The following RBMS3 variants were observed in gnomAD, a reference collection of about 807,000 sequenced individuals.
RBMS3 encodes RNA binding motif single stranded interacting protein 3, also known as RNA-binding motif, single-stranded-interacting protein 3.
In RBMS3, 27 loss-of-function variants were observed where a neutral mutation model predicts 66.8. That is an observed-to-expected ratio of 0.40 (90% CI 0.30 to 0.56). The LOEUF (loss-of-function observed/expected upper bound fraction) is 0.56. RBMS3 is among the 20% of genes least tolerant of loss of function. The probability of loss-of-function intolerance (pLI) is 0.40; values close to 1 mark genes in which losing one functional copy is unlikely to be tolerated. For synonymous variants in RBMS3, 188 were observed against 183.0 expected (o/e 1.03, Z -0.22); for missense variants, 513 against 549.5 (o/e 0.93, Z 0.66).
intron 4 of RBMS3, among the ~76,000 whole-genome samples, chr3:29,725,857 T>A (rs868122475): frequency 6.6e-6 from 1 of 152,160 alleles, no homozygotes; most frequent in Non-Finnish European, 1.5e-5. Context: ...TAACTCACCC[T>A]ATGAGGCCAG....
chr3:29,650,546 G>A (rs529121249), intron 4 of RBMS3, among the ~76,000 whole-genome samples: 2 of 152,110 alleles, frequency 1.3e-5, no homozygotes, highest in Non-Finnish European at 2.9e-5. Context: ...TCCTGCCTCG[G>A]CCCTCCAAAG....
intron 1 of RBMS3, among the ~76,000 whole-genome samples, chr3:29,320,997 G>A (rs188313675): frequency 3.3e-5 from 5 of 151,732 alleles, no homozygotes; most frequent in Non-Finnish European, 5.9e-5. Context: ...GCAAAACAGC[G>A]AGTTTTGAGG....
At chr3:29,939,999 T>G (rs1245950596) in intron 11 of RBMS3, among the ~76,000 whole-genome samples, 2 of 151,804 alleles carry the variant, frequency 1.3e-5, no homozygotes, top group African/African-American at 4.8e-5. Context: ...CCCTGCAAGC[T>G]AATGACATGA....
intron 8 of RBMS3, among the ~76,000 whole-genome samples, chr3:29,885,555 T>G (rs568095491): frequency 6.6e-6 from 1 of 152,060 alleles, no homozygotes; most frequent in East Asian, 1.9e-4. Flanking sequence ...ACATATTTTG[T>G]GCAAAGTACT....
At chr3:29,981,562 A>G (rs1449403603) in intron 12 of RBMS3, among the ~76,000 whole-genome samples, 1 of 152,052 alleles carries the variant, frequency 6.6e-6, no homozygotes, top group Non-Finnish European at 1.5e-5. Flanking sequence ...CATTGAGTGT[A>G]GGTTTGTCAT....
chr3:29,600,871 CCT>C (rs1193078345), intron 4 of RBMS3, among the ~76,000 whole-genome samples: 1 of 151,928 alleles, frequency 6.6e-6, no homozygotes, highest in African/African-American at 2.4e-5. Flanking sequence ...GTGTTTTCCA[CCT>C]CTCTAGAATG....
At chr3:29,495,476 A>C (rs2043711901) in intron 3 of RBMS3, among the ~76,000 whole-genome samples, 1 of 138,188 alleles carries the variant, frequency 7.2e-6, no homozygotes, top group Non-Finnish European at 1.5e-5. Flanking sequence ...GCTGGAGTGC[A>C]GTGGTGCGAT....
intron 1 of RBMS3, among the ~76,000 whole-genome samples, chr3:29,297,185 T>C (rs968112818): frequency 1.4e-4 from 21 of 151,788 alleles, no homozygotes; most frequent in Admixed American, 1.4e-3. Context: ...ATATTTCAGC[T>C]TCTTGTCACT....
At chr3:29,608,264 CT>C (rs2048377270) in intron 4 of RBMS3, among the ~76,000 whole-genome samples, 2 of 151,816 alleles carry the variant, frequency 1.3e-5, no homozygotes, top group African/African-American at 4.8e-5. Context: ...GCAGCATTAA[CT>C]TTTGTGGAAG....
rs1243368740 is a variant in RBMS3, at chr3:29,936,123, C to T, written c.977C>T (p.Ser326Leu). 6.2e-7 allele frequency: 1 copy of T among 1,613,186 alleles called. No individual in the cohort carries two copies. The highest frequency in any genetic ancestry group is 1.3e-5 in the African/African-American group (1 of 74,902). Reference sequence around the variant, plus strand: ...ACACCAACCATGGACCATCCCATGTCAATGCAGCCAGCCAACATGATGGGC... The same window carrying T: ...ACACCAACCATGGACCATCCCATGTTAATGCAGCCAGCCAACATGATGGGC... ...VITPTMDHPM[S>L]MQPANMMGPL... Residue 326 changes from serine (S) to leucine (L), a missense_variant, in exon 11 of 15, where the codon TCA (serine) becomes TTA (leucine). Ser to Leu is a moderately radical substitution (Grantham distance 145). Transcript: ENST00000383767.
intron 2 of RBMS3, among the ~76,000 whole-genome samples, chr3:29,483,725 C>T (rs1407809177): frequency 1.3e-5 from 2 of 152,138 alleles, no homozygotes; most frequent in Non-Finnish European, 2.9e-5. Context: ...ATTTTTTTAA[C>T]AATTGTTTTT....
At chr3:29,529,875 C>T (rs1288260550) in intron 3 of RBMS3, among the ~76,000 whole-genome samples, 1 of 151,978 alleles carries the variant, frequency 6.6e-6, no homozygotes, top group Non-Finnish European at 1.5e-5. Context: ...TTCATAACTG[C>T]ATATGGATAA....
chr3:29,427,499 GAA>G (rs2041004580), intron 1 of RBMS3, among the ~76,000 whole-genome samples: 1 of 152,190 alleles, frequency 6.6e-6, no homozygotes, highest in Non-Finnish European at 1.5e-5. Context: ...AGGTTATGTG[GAA>G]ATTACACTAT....
At chr3:29,520,786 T>C (rs1159210005) in intron 3 of RBMS3, among the ~76,000 whole-genome samples, 1 of 152,156 alleles carries the variant, frequency 6.6e-6, no homozygotes, top group East Asian at 1.9e-4. Context: ...CTTCATGGGG[T>C]TCCAGTCATA....
chr3:29,465,416 A>C (rs1439722966), intron 2 of RBMS3, among the ~76,000 whole-genome samples: 1 of 143,100 alleles, frequency 7.0e-6, no homozygotes, highest in African/African-American at 2.6e-5. Context: ...AATAATAAAT[A>C]GTTAATATGT....
At chr3:29,991,742 A>T (rs914054399) in intron 14 of RBMS3, 3 of 152,658 alleles carry the variant, frequency 2.0e-5, no homozygotes, top group African/African-American at 7.2e-5. Flanking sequence ...TATTGGAAAA[A>T]TTATAATATT....
intron 6 of RBMS3, among the ~76,000 whole-genome samples, chr3:29,798,041 G>A (rs976257602): frequency 6.6e-6 from 1 of 151,698 alleles, no homozygotes; most frequent in East Asian, 1.9e-4. Context: ...AAGAGATGGG[G>A]AACATCTGGC....
At chr3:29,676,289 G>T (rs925499545) in intron 4 of RBMS3, among the ~76,000 whole-genome samples, 1 of 152,138 alleles carries the variant, frequency 6.6e-6, no homozygotes, top group Non-Finnish European at 1.5e-5. Flanking sequence ...GTGGGGGAAG[G>T]GGGGAAGGAT....
intron 4 of RBMS3, among the ~76,000 whole-genome samples, chr3:29,714,054 CA>C (rs1359387780): frequency 6.6e-6 from 1 of 150,594 alleles, no homozygotes; most frequent in Non-Finnish European, 1.5e-5. Context: ...GACTCTGTCT[CA>C]AAAAAACAAA....
Sources: gnomAD v4.1 joint callset for allele counts (sites outside exome capture counted in the v4.1 genomes callset) on GRCh38, gnomAD v4.1.1 for gene constraint, MANE v1.5 for transcripts, NCBI Gene and HGNC (gene_info 2026-07-23, HGNC 2026-07-21) for gene names.